The following NCAM2 variants were observed in gnomAD, a reference collection of about 807,000 sequenced individuals.
NCAM2 encodes the protein neural cell adhesion molecule 2, also known as N-CAM-2.
NCAM2 carries 30 observed loss-of-function variants against 98.1 expected under a neutral mutation model. The observed-to-expected ratio is 0.31, with a 90% confidence interval of 0.23 to 0.41. NCAM2 has a LOEUF of 0.41. NCAM2 is among the 10% of genes least tolerant of loss of function. The probability of loss-of-function intolerance (pLI) is 1.00; values close to 1 mark genes in which losing one functional copy is unlikely to be tolerated. For missense variants in NCAM2, 867 were observed against 1,005.8 expected (o/e 0.86, Z 1.87); for synonymous variants, 368 against 342.4 (o/e 1.07, Z -0.83).
In NCAM2 at chr21:21,540,516, T is replaced by C. The variant is rs1310439063; in HGVS notation, c.*2559T>C. On this transcript the variant is annotated 3_prime_UTR_variant, in exon 18 of 18. Coordinates refer to ENST00000400546, the MANE Select transcript of NCAM2 (RefSeq NM_004540.5). ...ATTTCAATGGAATGCTCCAAATGAT[T>C]TATAAAAATTTCAAAATAAAAGATG... is the stretch of plus-strand genomic sequence containing the variant. 6.6e-6 allele frequency: 1 copy of C among 151,940 alleles called. No individual in the cohort carries two copies. The highest frequency in any genetic ancestry group is 1.5e-5 in the Non-Finnish European group (1 of 67,962). 9.4% of individuals were successfully genotyped at this position (151,940 alleles called of 1,614,324 possible).
chr21:21,448,762 T>C (rs1390348628), intron 12 of NCAM2, among the ~76,000 whole-genome samples: 1 of 152,100 alleles, frequency 6.6e-6, no homozygotes, highest in East Asian at 1.9e-4. Flanking sequence ...TAAATGAAAC[T>C]GCAGTAAACT....
At chr21:21,520,393 A>T (rs1248460856) in intron 16 of NCAM2, among the ~76,000 whole-genome samples, 1 of 152,190 alleles carries the variant, frequency 6.6e-6, no homozygotes, top group Non-Finnish European at 1.5e-5. Flanking sequence ...AGTAGGAATT[A>T]ACTAGCTCGT....
intron 1 of NCAM2, among the ~76,000 whole-genome samples, chr21:21,066,844 T>TGGAA (rs2065450061): frequency 6.6e-6 from 1 of 152,068 alleles, no homozygotes; most frequent in Non-Finnish European, 1.5e-5. Context: ...AATGTTTCTA[T>TGGAA]GGAAATAACT....
In NCAM2 at chr21:21,144,362, A is replaced by T. The variant is rs902458096; in HGVS notation, c.56-136216A>T. Among the ~76,000 whole-genome samples the T allele has an allele frequency of 2.6e-5, 4 of 151,546 alleles. No individual in the cohort carries two copies. The East Asian group carries it at 7.8e-4, about 30-fold the overall frequency. ...TCCATCTCAAAAAGAAAAAAAAAAA[A>T]ATCAACATTTCAAATTACAAAACAA... is the stretch of plus-strand genomic sequence containing the variant. On this transcript the variant is annotated intron_variant, in intron 1 of 17. Coordinates refer to ENST00000400546, the MANE Select transcript of NCAM2 (RefSeq NM_004540.5).
rs187110467 is a variant in NCAM2, at chr21:21,158,930, C to T, written c.56-121648C>T. 4.7e-4 allele frequency among the ~76,000 whole-genome samples: 72 copies of T among 152,148 alleles called. 1 individual carries two copies. The highest frequency in any genetic ancestry group is 2.2e-3 in the Admixed American group (34 of 15,274). ...ATTAAAGAGCCTCAAACAAGTTCAT[C>T]AGGAGGTATTCCAAAAGCAGACCTT... is the stretch of plus-strand genomic sequence containing the variant. On this transcript the variant is annotated intron_variant, in intron 1 of 17. Transcript: ENST00000400546.
At chr21:21,172,095 C>T (rs1448347681) in intron 1 of NCAM2, among the ~76,000 whole-genome samples, 2 of 151,864 alleles carry the variant, frequency 1.3e-5, no homozygotes, top group Middle Eastern at 3.2e-3. Flanking sequence ...AAATATAGAT[C>T]GTATTTTTTT....
At chr21:21,032,692 G>A (rs866597169) in intron 1 of NCAM2, among the ~76,000 whole-genome samples, 34 of 151,914 alleles carry the variant, frequency 2.2e-4, no homozygotes, top group Admixed American at 5.2e-4. Context: ...GAAACTATAA[G>A]GAATTGTTAT....
intron 11 of NCAM2, among the ~76,000 whole-genome samples, chr21:21,423,855 A>G (rs1053760778): frequency 1.3e-5 from 2 of 152,206 alleles, no homozygotes; most frequent in Non-Finnish European, 2.9e-5. Context: ...CACCAGAGTC[A>G]GGATTAGCCT....
At chr21:21,344,596 A>G (rs1434827306) in intron 8 of NCAM2, among the ~76,000 whole-genome samples, 2 of 152,140 alleles carry the variant, frequency 1.3e-5, no homozygotes, top group Non-Finnish European at 2.9e-5. Flanking sequence ...TCTGAGTGCC[A>G]GATCAGCCAC....
intron 1 of NCAM2, among the ~76,000 whole-genome samples, chr21:21,188,439 A>G (rs2068710277): frequency 6.6e-6 from 1 of 152,188 alleles, no homozygotes; most frequent in Admixed American, 6.5e-5. Flanking sequence ...AACAAAAAGT[A>G]ATATTTATTA....
chr21:21,199,273 G>A (rs1451938880), intron 1 of NCAM2, among the ~76,000 whole-genome samples: 1 of 152,114 alleles, frequency 6.6e-6, no homozygotes, highest in African/African-American at 2.4e-5. Context: ...TAATAAACTT[G>A]CCTGTCTTTC....
At chr21:21,384,228 A>C (rs992930160) in intron 9 of NCAM2, among the ~76,000 whole-genome samples, 7 of 152,004 alleles carry the variant, frequency 4.6e-5, no homozygotes, top group African/African-American at 1.7e-4. Context: ...AATCTTTAAG[A>C]TCACTAAACA....
chr21:21,375,324 T>G (rs2076008782), intron 9 of NCAM2, among the ~76,000 whole-genome samples: 1 of 151,044 alleles, frequency 6.6e-6, no homozygotes, highest in Admixed American at 6.6e-5. Flanking sequence ...TTTACTAAAC[T>G]TCGTAACTAA....
chr21:21,438,462 C>T (rs1015539507), intron 12 of NCAM2, among the ~76,000 whole-genome samples: 7 of 152,008 alleles, frequency 4.6e-5, no homozygotes, highest in Admixed American at 1.3e-4. Context: ...TAGCTGAAGC[C>T]GTACTAATTA....
chr21:21,169,891 C>T (rs1454018425), intron 1 of NCAM2, among the ~76,000 whole-genome samples: 4 of 151,960 alleles, frequency 2.6e-5, no homozygotes, highest in Non-Finnish European at 5.9e-5. Flanking sequence ...CCAGGGAAGT[C>T]GAGGCTGCAG....
At chr21:21,348,875 A>G (rs1173864407) in intron 8 of NCAM2, among the ~76,000 whole-genome samples, 1 of 152,136 alleles carries the variant, frequency 6.6e-6, no homozygotes, top group African/African-American at 2.4e-5. Flanking sequence ...GGGAAACTGG[A>G]TATCCATATG....
chr21:21,498,992 A>C (rs990328429), intron 15 of NCAM2, among the ~76,000 whole-genome samples: 1 of 152,198 alleles, frequency 6.6e-6, no homozygotes. Context: ...AGTAAATTAT[A>C]TGGACTTCCT....
intron 1 of NCAM2, among the ~76,000 whole-genome samples, chr21:21,014,024 G>T (rs866231743): frequency 1.3e-5 from 2 of 152,196 alleles, no homozygotes; most frequent in African/African-American, 4.8e-5. Context: ...CTTAGCTAGA[G>T]AAGAGAAGTC....
intron 15 of NCAM2, among the ~76,000 whole-genome samples, chr21:21,479,466 C>G (rs1602461969): frequency 6.6e-6 from 1 of 151,290 alleles, no homozygotes; most frequent in Non-Finnish European, 1.5e-5. Context: ...CGCCTGTAGT[C>G]CCAGCTACTC....
Sources: gnomAD v4.1 joint callset for allele counts (sites outside exome capture counted in the v4.1 genomes callset) on GRCh38, gnomAD v4.1.1 for gene constraint, MANE v1.5 for transcripts, NCBI Gene and HGNC (gene_info 2026-07-23, HGNC 2026-07-21) for gene names.